ARHGEF19: variants seen among roughly 807,000 people sequenced by gnomAD.
The protein encoded by ARHGEF19 is Rho guanine nucleotide exchange factor (GEF) 19.
Under a neutral mutation model 87.6 loss-of-function variants are expected in ARHGEF19, and 92 were observed. The ratio of observed to expected loss-of-function variants is 1.05; its 90% CI spans 0.89 to 1.25. ARHGEF19 has a LOEUF of 1.25. Among genes scored for constraint, ARHGEF19 ranks in the 50% most tolerant of loss-of-function variants. The pLI is 0.00. For missense variants in ARHGEF19, 1,054 were observed against 1,051.8 expected (o/e 1.00, Z -0.03); for synonymous variants, 438 against 446.2 (o/e 0.98, Z 0.23).
At position 16,205,308 on chromosome 1, in the gene ARHGEF19, G is replaced by A. The variant is rs200893332; in HGVS notation, c.1656+43C>T. The A allele has an allele frequency of 1.2e-6, 2 of 1,612,820 alleles. No homozygotes were observed. The highest frequency in any genetic ancestry group is 1.3e-5 in the African/African-American group (1 of 75,004). On this transcript the variant is annotated intron_variant, in intron 10 of 15. Transcript: ENST00000270747. The surrounding 1 kb of genome is among the most constrained non-coding windows in gnomAD (Gnocchi z 5.8). Reference sequence around the variant, plus strand: ...TTTAGAGACGTGCTGGGGGTCCAGGGGGGGCCTCAGGAGCCAAGCAGCCCC... The same window carrying A: ...TTTAGAGACGTGCTGGGGGTCCAGGAGGGGCCTCAGGAGCCAAGCAGCCCC...
In ARHGEF19 at chr1:16,202,375, G is replaced by A. The variant is rs1022973592; in HGVS notation, c.2066+41C>T. On this transcript the variant is annotated intron_variant, in intron 13 of 15. Coordinates refer to ENST00000270747, the MANE Select transcript of ARHGEF19 (RefSeq NM_153213.5). Reference sequence around the variant, plus strand: ...CATGGGGACGGGGTGCCTGTCATGGGGAGGGGGAGCCTCCTCTCTCCCATA... The same window carrying A: ...CATGGGGACGGGGTGCCTGTCATGGAGAGGGGGAGCCTCCTCTCTCCCATA... 8 of 1,559,076 alleles carry A rather than the reference G, an allele frequency of 5.1e-6. No individual in the cohort carries two copies. The African/African-American group carries it at 9.5e-5, about 18-fold the overall frequency.
At chr1:16,201,668 G>A in intron 14 of ARHGEF19, 114 bp downstream of exon 14, 1 of 1,111,264 alleles carries the variant, frequency 9.0e-7, no homozygotes, top group South Asian at 1.6e-5. Context: ...GACTGCCCCA[G>A]AAGTTGGTCT....
In ARHGEF19 at chr1:16,207,558, T is replaced by C; in HGVS notation, c.838A>G (p.Thr280Ala). The C allele has an allele frequency of 1.2e-6, 2 of 1,613,956 alleles. No individual in the cohort carries two copies. The highest frequency in any genetic ancestry group is 8.5e-7 in the Non-Finnish European group (1 of 1,179,994). ...QEEPPLGSRS[T>A]NERRQSRFLL... ...AATCGAGACTGGCGCCGCTCGTTGG[T>C]GCTCCTGGACCCCAAAGGCGGCTCT... Residue 280 changes from threonine (T) to alanine (A), a missense_variant, in exon 5 of 16, where the codon ACC becomes GCC. Transcript: ENST00000270747. The surrounding 1 kb of genome is among the most constrained non-coding windows in gnomAD (Gnocchi z 4.0).
At position 16,200,024 on chromosome 1, in the gene ARHGEF19, T is replaced by C. The variant is rs537945121; in HGVS notation, c.2147-770A>G. Among the ~76,000 whole-genome samples, 4 of 152,308 alleles carry C rather than the reference T, an allele frequency of 2.6e-5. No individual in the cohort carries two copies. The East Asian group carries it at 7.7e-4, about 29-fold the overall frequency. ...TTTCGTGACAACCTCTCCTCATCCT[T>C]CAGGGGTCAGATGTTAATTGCCAGG... On this transcript the variant is annotated intron_variant, in intron 14 of 15. Coordinates refer to ENST00000270747, the MANE Select transcript of ARHGEF19 (RefSeq NM_153213.5).
In ARHGEF19 at chr1:16,205,002, G is replaced by A. The variant is rs760987075; in HGVS notation, c.1747-83C>T. On this transcript the variant is annotated intron_variant, in intron 11 of 15. Transcript: ENST00000270747. The surrounding 1 kb of genome is among the most constrained non-coding windows in gnomAD (Gnocchi z 5.8). Reference sequence around the variant, plus strand: ...TGGTAGATGGGAGGGTGTGGGCAGCGATTAACTGGCCTGAAGCCCCCAGGG... The same window carrying A: ...TGGTAGATGGGAGGGTGTGGGCAGCAATTAACTGGCCTGAAGCCCCCAGGG... 7.5e-5 allele frequency: 117 copies of A among 1,561,832 alleles called. No individual in the cohort carries two copies. Among genetic ancestry groups the A allele is most frequent in the Middle Eastern group, 1.7e-4 (1 of 6,002 alleles).
chr1:16,199,183 C>T lies in ARHGEF19; in HGVS notation c.2218G>A (p.Asp740Asn). 1.2e-6 allele frequency: 2 copies of T among 1,614,080 alleles called. No homozygotes were observed. Among genetic ancestry groups the T allele is most frequent in the Non-Finnish European group, 1.7e-6 (2 of 1,179,960 alleles). Residue 740 changes from aspartate (D) to asparagine (N), a missense_variant, in exon 15 of 16, where the codon GAC becomes AAC. Coordinates refer to ENST00000270747, the MANE Select transcript of ARHGEF19 (RefSeq NM_153213.5). ...HPDELTLEKT[D>N]ILSVRTWTSD... ...GTCCAGGTCCTCACTGACAGGATGT[C>T]AGTCTTCTCCAAGGTCAGCTCATCT...
Position 16,205,979 on chromosome 1 carries a change from G to C in ARHGEF19, c.1403C>G (p.Pro468Arg). The part of the protein sequence containing the change: ...HCPAFRRVYL[P>R]YVTNQAYQER... ...CTGGTAGGCCTGGTTGGTGACATAG[G>C]GCAGGTAGACTCTGCGGAAGGCCGG... The change falls in exon 8 of 16, where the codon CCC (proline) becomes CGC (arginine). Residue 468 changes from proline to arginine, a missense_variant. Transcript: ENST00000270747. The surrounding 1 kb of genome is among the most constrained non-coding windows in gnomAD (Gnocchi z 5.8). 1.2e-6 allele frequency: 2 copies of C among 1,611,400 alleles called. No individual in the cohort carries two copies. Among genetic ancestry groups the C allele is most frequent in the South Asian group, 1.1e-5 (1 of 90,514 alleles).
Position 16,207,570 on chromosome 1 carries a change from C to A in ARHGEF19, c.826G>T (p.Gly276Trp). ...CGCCGCTCGTTGGTGCTCCTGGACC[C>A]CAAAGGCGGCTCTTCCTGTGTGTCT... ...RLDTQEEPPL[G>W]SRSTNERRQS... Residue 276 changes from glycine to tryptophan, a missense_variant, in exon 5 of 16, where the codon GGG becomes TGG. Physicochemically the swap from Gly to Trp is radical, Grantham distance 184. Coordinates refer to ENST00000270747, the MANE Select transcript of ARHGEF19 (RefSeq NM_153213.5). The surrounding 1 kb of genome is among the most constrained non-coding windows in gnomAD (Gnocchi z 4.0). 6.2e-7 allele frequency: 1 copy of A among 1,614,016 alleles called. No individual in the cohort carries two copies. The highest frequency in any genetic ancestry group is 8.5e-7 in the Non-Finnish European group (1 of 1,180,004).
chr1:16,204,672 A>C, intron 12 of ARHGEF19, 87 bp downstream of exon 12: 1 of 1,434,946 alleles, frequency 7.0e-7, no homozygotes, highest in Non-Finnish European at 9.2e-7. Context: ...TCCCAGGCCC[A>C]GGGATGGACT....
chr1:16,204,296 G>A (rs2081105519), intron 12 of ARHGEF19, among the ~76,000 whole-genome samples: 1 of 152,194 alleles, frequency 6.6e-6, no homozygotes. Context: ...GACAGAGCTG[G>A]CATCCTCCTG....
At position 16,205,309 on chromosome 1, in the gene ARHGEF19, G is replaced by T. The variant is rs1177540997; in HGVS notation, c.1656+42C>A. The T allele has an allele frequency of 1.2e-6, 2 of 1,612,942 alleles. No individual in the cohort carries two copies. Among genetic ancestry groups the T allele is most frequent in the East Asian group, 2.2e-5 (1 of 44,870 alleles). On this transcript the variant is annotated intron_variant, in intron 10 of 15. Transcript: ENST00000270747. This position sits in a 1 kb window ranked among gnomAD's most constrained non-coding sequence, Gnocchi z 5.8. ...TTAGAGACGTGCTGGGGGTCCAGGGGGGGCCTCAGGAGCCAAGCAGCCCCT... is the reference window on the plus strand; with the variant it reads ...TTAGAGACGTGCTGGGGGTCCAGGGTGGGCCTCAGGAGCCAAGCAGCCCCT...
At position 16,204,874 on chromosome 1, in the gene ARHGEF19, C is replaced by T. The variant is rs372117226; in HGVS notation, c.1792G>A (p.Glu598Lys). Residue 598 changes from glutamate to lysine, a missense_variant, in exon 12 of 16, where the codon GAG (glutamate) becomes AAG (lysine). Glu to Lys is a moderately conservative substitution (Grantham distance 56). Coordinates refer to ENST00000270747, the MANE Select transcript of ARHGEF19 (RefSeq NM_153213.5). ...GGCAGTGGTGCCAGCTCTACCAACT[C>T]TCCATGCCGAACCAGCCAGCGGGCC... ...SQARWLVRHG[E>K]LVELAPLPAA... 7.5e-6 allele frequency: 12 copies of T among 1,603,326 alleles called. No individual in the cohort carries two copies. In the African/African-American group the frequency reaches 1.6e-4, roughly 21 times the overall value.
chr1:16,206,781 A>C lies in ARHGEF19; in HGVS notation c.1137+167T>G, dbSNP rs2081140581. ...TCAGCGGCTTGCTGTCCTCGCTTCC[A>C]GACGGCCTCGTGTAGTCAGGTCCTA... On this transcript the variant is annotated intron_variant, in intron 6 of 15. Transcript: ENST00000270747. This position sits in a 1 kb window ranked among gnomAD's most constrained non-coding sequence, Gnocchi z 4.6. Among the ~76,000 whole-genome samples the C allele has an allele frequency of 6.6e-6, 1 of 150,684 alleles. No individual in the cohort carries two copies. Among genetic ancestry groups the C allele is most frequent in the Non-Finnish European group, 1.5e-5 (1 of 67,692 alleles).
At position 16,207,868 on chromosome 1, in the gene ARHGEF19, C is replaced by T. The variant is rs1569716106; in HGVS notation, c.694+76G>A. ...AGGCACCCTGACGGCCTCAGGCGGCCGGTGAGTGGGCATCGCCCACCCCCA... is the reference window on the plus strand; with the variant it reads ...AGGCACCCTGACGGCCTCAGGCGGCTGGTGAGTGGGCATCGCCCACCCCCA... On this transcript the variant is annotated intron_variant, in intron 3 of 15. Transcript: ENST00000270747. The surrounding 1 kb of genome is among the most constrained non-coding windows in gnomAD (Gnocchi z 4.0). 3.8e-6 allele frequency: 6 copies of T among 1,584,032 alleles called. No homozygotes were observed. The highest frequency in any genetic ancestry group is 4.5e-5 in the East Asian group (2 of 44,434).
chr1:16,202,722 G>T, intron 12 of ARHGEF19, 148 bp from the exon 13 acceptor site: 1 of 1,046,556 alleles, frequency 9.6e-7, no homozygotes, highest in Non-Finnish European at 1.4e-6. Context: ...TCTGGATAGG[G>T]CACTGCTAGT....
rs193227220 is a variant in ARHGEF19, at chr1:16,212,518, C to T, written c.-46G>A. 2.4e-3 allele frequency: 372 copies of T among 152,600 alleles called. 4 individuals are homozygous for T. The highest frequency in any genetic ancestry group is 4.4e-3 in the East Asian group (23 of 5,186). The allele number at this position is 152,600 out of a possible 1,614,324, so 9.5% of individuals were successfully genotyped here. A position where few individuals can be genotyped will look rare whatever the true frequency, so the allele number is the denominator to read the frequency against. The stretch of plus-strand genomic sequence containing the variant: ...GGGCCCTACCTCAGCCAGGGAGCTC[C>T]GTCCAGCTGCCAGCACGGTCCAGGG... On this transcript the variant is annotated 5_prime_UTR_variant, in exon 1 of 16. Transcript: ENST00000270747.
Position 16,207,196 on chromosome 1 carries a change from C to G in ARHGEF19, c.889G>C (p.Glu297Gln). The G allele has an allele frequency of 6.5e-7, 1 of 1,532,146 alleles. No homozygotes were observed. The highest frequency in any genetic ancestry group is 8.7e-7 in the Non-Finnish European group (1 of 1,143,424). The allele number at this position is 1,532,146 out of a possible 1,614,324, so 94.9% of individuals were successfully genotyped here. ...CGGGCGCTGGCCACGTCGCTGTATT[C>G]CTGATAGAGGACGGCTGGGGGAAAG... ...RFLLNSVLYQ[E>Q]YSDVASAREL... The change falls in exon 6 of 16, where the codon GAA becomes CAA. Residue 297 changes from glutamate to glutamine, a missense_variant. Physicochemically the swap from Glu to Gln is conservative, Grantham distance 29. Transcript: ENST00000270747. This position sits in a 1 kb window ranked among gnomAD's most constrained non-coding sequence, Gnocchi z 4.0.
Position 16,201,872 on chromosome 1 carries a change from G to A in ARHGEF19, c.2067-11C>T, listed in dbSNP as rs751888521. Reference sequence around the variant, plus strand: ...CGCTGCTTCTCACTTCTAGGGAAGGGGGAGGCTAAGTTGTCACAATATGCA... The same window carrying A: ...CGCTGCTTCTCACTTCTAGGGAAGGAGGAGGCTAAGTTGTCACAATATGCA... On this transcript the variant is annotated splice_polypyrimidine_tract_variant and intron_variant, in intron 13 of 15. Coordinates refer to ENST00000270747, the MANE Select transcript of ARHGEF19 (RefSeq NM_153213.5). 3.7e-6 allele frequency: 6 copies of A among 1,613,184 alleles called. No individual in the cohort carries two copies. In the South Asian group the frequency reaches 5.5e-5, roughly 15 times the overall value.
Position 16,206,230 on chromosome 1 carries a change from G to T in ARHGEF19, c.1248C>A (p.Asp416Glu), listed in dbSNP as rs748921446. ...GCAGTTTGGAAAACAGCCACTGCTTGTCCTGCGCCCCCAGACACTCGCTCA... is the reference window on the plus strand; with the variant it reads ...GCAGTTTGGAAAACAGCCACTGCTTTTCCTGCGCCCCCAGACACTCGCTCA... The part of the protein sequence containing the change: ...AELSECLGAQ[D>E]KQWLFSKLPE... Residue 416 changes from aspartate (D) to glutamate (E), a missense_variant, in exon 7 of 16, where the codon GAC becomes GAA. Physicochemically the swap from Asp to Glu is conservative, Grantham distance 45 (BLOSUM62 2). Transcript: ENST00000270747. This position sits in a 1 kb window ranked among gnomAD's most constrained non-coding sequence, Gnocchi z 4.6. The T allele has an allele frequency of 2.1e-5, 33 of 1,597,692 alleles. No individual in the cohort carries two copies. Among genetic ancestry groups the T allele is most frequent in the Non-Finnish European group, 2.7e-5 (32 of 1,172,260 alleles).
Sources: gnomAD v4.1 joint callset for allele counts (sites outside exome capture counted in the v4.1 genomes callset) on GRCh38, gnomAD v4.1.1 for gene constraint, Gnocchi (gnomAD v3.1) non-coding constraint, MANE v1.5 for transcripts, NCBI Gene and HGNC (gene_info 2026-07-23, HGNC 2026-07-21) for gene names.